NETO2: variants seen among roughly 807,000 people sequenced by gnomAD.
NETO2 encodes neuropilin and tolloid like 2.
In NETO2, 28 loss-of-function variants were observed where a neutral mutation model predicts 62.5. The ratio of observed to expected loss-of-function variants is 0.45; its 90% CI spans 0.33 to 0.61. The LOEUF (loss-of-function observed/expected upper bound fraction) is 0.61, where lower values mean the gene tolerates loss of function less well. Ranked by LOEUF, NETO2 falls within the 20% of genes least tolerant of loss-of-function variation. The pLI, the probability that NETO2 is intolerant of heterozygous loss-of-function variation, is 0.02. For synonymous variants in NETO2, 214 were observed against 219.1 expected, an observed-to-expected ratio of 0.98 and a Z score of 0.21; for missense variants, 548 against 643.2, an observed-to-expected ratio of 0.85 and a Z score of 1.60.
At chr16:47,099,720 T>C (rs758327016) in intron 7 of NETO2, among the ~76,000 whole-genome samples, 1 of 151,870 alleles carries the variant, frequency 6.6e-6, no homozygotes. Context: ...AAGAAGGGCA[T>C]TACATAATGG....
rs201096875 is a variant in NETO2, at chr16:47,083,544, A to T, written c.1255T>A (p.Leu419Met). Residue 419 changes from leucine (L) to methionine (M), a missense_variant, in exon 9 of 9, where the codon TTG (leucine) becomes ATG (methionine). Transcript: ENST00000562435. ...CGCCGCATCTTCTGGTAGTTGTCCA[A>T]TTCTTCCGACAAGTCTGCCAGGTCT... ...SADLADLSEE[L>M]DNYQKMRRSS... 1.9e-6 allele frequency: 3 copies of T among 1,614,180 alleles called. No individual in the cohort carries two copies. The highest frequency in any genetic ancestry group is 2.2e-5 in the South Asian group (2 of 91,080).
chr16:47,119,256 A>T (rs1163346704), intron 6 of NETO2, among the ~76,000 whole-genome samples: 1 of 149,880 alleles, frequency 6.7e-6, no homozygotes, highest in Non-Finnish European at 1.5e-5. Flanking sequence ...GGTTCACGCC[A>T]TTCTCCTGCC....
At chr16:47,127,511 T>C (rs934921473) in intron 4 of NETO2, among the ~76,000 whole-genome samples, 3 of 152,124 alleles carry the variant, frequency 2.0e-5, no homozygotes, top group African/African-American at 7.2e-5. Flanking sequence ...TTAAGGATCT[T>C]GAAAAGAGTA....
intron 2 of NETO2, among the ~76,000 whole-genome samples, chr16:47,130,093 G>A (rs1442189451): frequency 6.6e-6 from 1 of 152,170 alleles, no homozygotes; most frequent in Non-Finnish European, 1.5e-5. Context: ...AAACAACAGG[G>A]TTACTGGACT....
At chr16:47,088,595 AGAGT>A (rs774591763) in intron 7 of NETO2, among the ~76,000 whole-genome samples, 15 of 152,162 alleles carry the variant, frequency 9.9e-5, no homozygotes, top group Non-Finnish European at 1.3e-4. Context: ...TTTTCAAGAT[AGAGT>A]ATCTAAAATT....
At chr16:47,114,206 A>G (rs1010569700) in intron 6 of NETO2, among the ~76,000 whole-genome samples, 1 of 151,912 alleles carries the variant, frequency 6.6e-6, no homozygotes, top group African/African-American at 2.4e-5. Flanking sequence ...GTGCCATCTC[A>G]TTGTGGTTTT....
intron 6 of NETO2, among the ~76,000 whole-genome samples, chr16:47,113,891 C>A (rs1963854487): frequency 6.6e-6 from 1 of 152,082 alleles, no homozygotes; most frequent in Non-Finnish European, 1.5e-5. Flanking sequence ...TCGCACCTGG[C>A]CTATTCTTTT....
At position 47,143,641 on chromosome 16, in the gene NETO2, G is replaced by C. The variant is rs1436903002; in HGVS notation, c.-29C>G. Reference sequence around the variant, plus strand: ...CCCGAGCTGCCCGGCGCTTCGCGAAGGGCTGAGGTAGCGGCGGCGGTGGCT... The same window carrying C: ...CCCGAGCTGCCCGGCGCTTCGCGAACGGCTGAGGTAGCGGCGGCGGTGGCT... On this transcript the variant is annotated 5_prime_UTR_variant, in exon 1 of 9. Transcript: ENST00000562435. 5 of 1,220,020 alleles carry C rather than the reference G, an allele frequency of 4.1e-6. No homozygotes were observed. In the East Asian group the frequency reaches 1.3e-4, roughly 32 times the overall value. The allele number at this position is 1,220,020 out of a possible 1,614,324, so 75.6% of individuals were successfully genotyped here. A position where few individuals can be genotyped will look rare whatever the true frequency, so the allele number is the denominator to read the frequency against.
At position 47,081,836 on chromosome 16, in the gene NETO2, T is replaced by C. The variant is rs1305821339; in HGVS notation, c.*1385A>G. 2.6e-5 allele frequency: 4 copies of C among 152,540 alleles called. No homozygotes were observed. Among genetic ancestry groups the C allele is most frequent in the Non-Finnish European group, 4.4e-5 (3 of 68,008 alleles). The allele number at this position is 152,540 out of a possible 1,614,324, so 9.4% of individuals were successfully genotyped here. ...TTAATATGGGATTTGTGTAGTGATT[T>C]AGAGCATAAATATCACACAGTGAAA... On this transcript the variant is annotated 3_prime_UTR_variant, in exon 9 of 9. Coordinates refer to ENST00000562435, the MANE Select transcript of NETO2 (RefSeq NM_018092.5).
rs552804706 is a variant in NETO2 at position 47,084,843 on chromosome 16, G to A, written c.998-1042C>T. Among the ~76,000 whole-genome samples the A allele has an allele frequency of 6.8e-4, 103 of 152,160 alleles. 1 individual carries two copies. The highest frequency in any genetic ancestry group is 2.4e-3 in the African/African-American group (98 of 41,510). ...CTAGTTGAAGGAAAACAAGCTCAGG[G>A]CTCCCACTGATTCTGCATTATGGTG... On this transcript the variant is annotated intron_variant, in intron 8 of 8. Transcript: ENST00000562435.
intron 1 of NETO2, among the ~76,000 whole-genome samples, chr16:47,137,679 C>T (rs1964385462): frequency 6.6e-6 from 1 of 152,112 alleles, no homozygotes; most frequent in Admixed American, 6.5e-5. Flanking sequence ...CTCCAGGAAC[C>T]CTTTCCAGAT....
intron 7 of NETO2, among the ~76,000 whole-genome samples, chr16:47,087,032 AT>A (rs11359187): frequency 0.97 from 139,278 of 143,612 alleles, 67,615 homozygotes; most frequent in East Asian, 0.99. Context: ...TTATAATTAA[AT>A]TTTTTTTTTT....
intron 7 of NETO2, among the ~76,000 whole-genome samples, chr16:47,105,741 A>G (rs1379410613): frequency 6.6e-6 from 1 of 152,238 alleles, no homozygotes; most frequent in African/African-American, 2.4e-5. Context: ...CAACATTACT[A>G]ATCATTAGGC....
rs546583693 is a variant in NETO2, at chr16:47,085,507, G to A, written c.997+719C>T. On this transcript the variant is annotated intron_variant, in intron 8 of 8. Coordinates refer to ENST00000562435, the MANE Select transcript of NETO2 (RefSeq NM_018092.5). ...AGCAATTCTCCTGCCTCAGCCTCCCGAGTAGCTGGGATTACAGGCGCGTGC... is the reference window on the plus strand; with the variant it reads ...AGCAATTCTCCTGCCTCAGCCTCCCAAGTAGCTGGGATTACAGGCGCGTGC... Among the ~76,000 whole-genome samples the A allele has an allele frequency of 4.5e-3, 686 of 151,572 alleles. 1 individual carries two copies. The highest frequency in any genetic ancestry group is 7.0e-3 in the Non-Finnish European group (476 of 67,874).
intron 6 of NETO2, among the ~76,000 whole-genome samples, chr16:47,117,105 G>A (rs1321416209): frequency 6.6e-6 from 1 of 152,084 alleles, no homozygotes; most frequent in Non-Finnish European, 1.5e-5. Context: ...GTGCATAGGT[G>A]ATAAATTCTC....
chr16:47,083,703 T>C lies in NETO2; in HGVS notation c.1096A>G (p.Ile366Val), dbSNP rs1160093951. The change falls in exon 9 of 9, where the codon ATT becomes GTT. Residue 366 changes from isoleucine (I) to valine (V), a missense_variant. Ile to Val is a conservative substitution (Grantham distance 29). Transcript: ENST00000562435. ...GIVLVLLIIS[I>V]LVQVKQPRKK... Reference sequence around the variant, plus strand: ...CGAGGCTGTTTCACTTGTACTAAAATAGAAATAATGAGAAGGACCAAGACA... The same window carrying C: ...CGAGGCTGTTTCACTTGTACTAAAACAGAAATAATGAGAAGGACCAAGACA... 4 of 1,614,046 alleles carry C rather than the reference T, an allele frequency of 2.5e-6. No homozygotes were observed. The highest frequency in any genetic ancestry group is 1.6e-4 in the Middle Eastern group (1 of 6,084).
At chr16:47,134,834 G>A (rs1964336661) in intron 1 of NETO2, among the ~76,000 whole-genome samples, 1 of 152,196 alleles carries the variant, frequency 6.6e-6, no homozygotes, top group Non-Finnish European at 1.5e-5. Context: ...ACTGCTTTAT[G>A]AAATTTGCAC....
chr16:47,140,475 A>G (rs1179307581), intron 1 of NETO2, among the ~76,000 whole-genome samples: 1 of 152,182 alleles, frequency 6.6e-6, no homozygotes, highest in African/African-American at 2.4e-5. Context: ...TCTTTTCTAA[A>G]AAGGACTGAA....
At chr16:47,086,465 A>G (rs771375345) in intron 7 of NETO2, 126 bp from the exon 8 acceptor site, 4 of 628,902 alleles carry the variant, frequency 6.4e-6, no homozygotes, top group Non-Finnish European at 1.1e-5. Context: ...TAAACTCTGT[A>G]CTATTCAAAC....
Sources: allele counts gnomAD v4.1 joint callset (sites outside exome capture counted in the v4.1 genomes callset), GRCh38; gene constraint gnomAD v4.1.1; transcripts MANE v1.5; gene names NCBI Gene and HGNC (gene_info 2026-07-23, HGNC 2026-07-21).